The following SLC7A7 variants were observed in gnomAD, a reference collection of about 807,000 sequenced individuals.
SLC7A7 encodes the protein Y+L amino acid transporter 1.
In SLC7A7, 39 loss-of-function variants were observed where a neutral mutation model predicts 47.9. The observed-to-expected ratio is 0.81, with a 90% CI of 0.63 to 1.06. The LOEUF (loss-of-function observed/expected upper bound fraction) is 1.06. Ranked by LOEUF, SLC7A7 falls within the 50% of genes least tolerant of loss-of-function variation. The pLI is 0.00. For missense variants in SLC7A7, 588 were observed against 632.0 expected, an observed-to-expected ratio of 0.93 and a Z score of 0.75; for synonymous variants, 234 against 242.8, an observed-to-expected ratio of 0.96 and a Z score of 0.34.
chr14:22,779,475 G>GA (rs1328194249), intron 3 of SLC7A7, among the ~76,000 whole-genome samples: 3 of 147,868 alleles, frequency 2.0e-5, no homozygotes, highest in African/African-American at 7.6e-5. Context: ...TTGGGGGGGG[G>GA]ACAGAGTCTC....
intron 2 of SLC7A7, among the ~76,000 whole-genome samples, chr14:22,802,187 G>A (rs2039126642): frequency 6.6e-6 from 1 of 152,160 alleles, no homozygotes; most frequent in Admixed American, 6.6e-5. Flanking sequence ...CAGATCACTT[G>A]AGTTCAGGAG....
chr14:22,785,107 C>T (rs1403023494), intron 2 of SLC7A7, among the ~76,000 whole-genome samples: 7 of 152,046 alleles, frequency 4.6e-5, no homozygotes, highest in Middle Eastern at 6.8e-3. Flanking sequence ...GGCGAAACCC[C>T]GTCTCTACTA....
In SLC7A7 at chr14:22,813,027, CA is replaced by C. The variant is rs2138662323; in HGVS notation, c.371del (p.Leu124ArgfsTer46). 1 of 1,614,058 alleles carries C rather than the reference CA, an allele frequency of 6.2e-7. No individual in the cohort carries two copies. The highest frequency in any genetic ancestry group is 8.5e-7 in the Non-Finnish European group (1 of 1,180,012). ...FLAFIRLWTS[L>X]LIIEPTSQAI... ...CCTGGCTGGTGGGCTCAATGATGAG[CA>C]GGGAGGTCCAGAGTCTGATGAAAGC... On this transcript the variant is annotated frameshift_variant, in exon 2 of 10. Transcript: ENST00000674313. LOFTEE classifies it high-confidence loss of function.
intron 2 of SLC7A7, among the ~76,000 whole-genome samples, chr14:22,785,220 G>A (rs556306874): frequency 6.6e-6 from 1 of 152,158 alleles, no homozygotes; most frequent in Non-Finnish European, 1.5e-5. Flanking sequence ...AGAAATTGCA[G>A]TGAGCCAAGA....
At chr14:22,775,767 C>A in intron 6 of SLC7A7, 66 bp downstream of exon 6, 1 of 1,179,786 alleles carries the variant, frequency 8.5e-7, no homozygotes, top group South Asian at 1.2e-5. Context: ...AAGGCTGGGT[C>A]CTGTAAGTTC....
chr14:22,809,867 A>T (rs1339301121), intron 2 of SLC7A7, among the ~76,000 whole-genome samples: 1 of 151,946 alleles, frequency 6.6e-6, no homozygotes, highest in African/African-American at 2.4e-5. Flanking sequence ...GTGAAATCCC[A>T]TCTCTTCTAA....
chr14:22,791,578 G>A lies in SLC7A7; in HGVS notation c.500-11527C>T, dbSNP rs1044155550. On this transcript the variant is annotated intron_variant, in intron 2 of 9. Coordinates refer to ENST00000674313, the MANE Select transcript of SLC7A7 (RefSeq NM_003982.4). Reference sequence around the variant, plus strand: ...ACTGCACATTTCTAGGTTAGGCTGGGTCTGTGTATAGTCAGATGCACACTA... The same window carrying A: ...ACTGCACATTTCTAGGTTAGGCTGGATCTGTGTATAGTCAGATGCACACTA... Among the ~76,000 whole-genome samples the A allele has an allele frequency of 6.6e-5, 10 of 152,116 alleles. 1 individual carries two copies. Among genetic ancestry groups the A allele is most frequent in the Middle Eastern group, 3.2e-3 (1 of 316 alleles).
upstream of SLC7A7, among the ~76,000 whole-genome samples, chr14:22,818,484 T>C (rs1291070972): frequency 6.6e-6 from 1 of 151,792 alleles, no homozygotes. Flanking sequence ...GGTCTTAGGG[T>C]AATGCTTCCA....
chr14:22,794,792 A>G (rs150017610), intron 2 of SLC7A7, among the ~76,000 whole-genome samples: 12 of 152,264 alleles, frequency 7.9e-5, no homozygotes, highest in African/African-American at 2.2e-4. Flanking sequence ...TTAACAGTCC[A>G]GTGCTCAGGC....
intron 2 of SLC7A7, among the ~76,000 whole-genome samples, chr14:22,796,259 G>C (rs1368646030): frequency 6.6e-6 from 1 of 152,064 alleles, no homozygotes; most frequent in Non-Finnish European, 1.5e-5. Context: ...AGTCATTCTG[G>C]TACCAGGAGA....
chr14:22,794,655 T>C (rs2038980520), intron 2 of SLC7A7, among the ~76,000 whole-genome samples: 3 of 152,082 alleles, frequency 2.0e-5, no homozygotes. Context: ...CTTCTCTGGG[T>C]GTGTTTCCTT....
chr14:22,812,874 C>T, intron 2 of SLC7A7, 26 bp downstream of exon 2: 1 of 1,610,532 alleles, frequency 6.2e-7, no homozygotes, highest in Non-Finnish European at 8.5e-7. Flanking sequence ...CCTCCACCCA[C>T]CACCTCCTAC....
chr14:22,819,114 C>T (rs2039444072), upstream of SLC7A7, among the ~76,000 whole-genome samples: 1 of 152,166 alleles, frequency 6.6e-6, no homozygotes, highest in Non-Finnish European at 1.5e-5. Context: ...ACCTCACCCT[C>T]GAATGACAAC....
intron 4 of SLC7A7, among the ~76,000 whole-genome samples, chr14:22,777,848 C>T (rs186069362): frequency 1.1e-3 from 175 of 152,218 alleles, no homozygotes; most frequent in Admixed American, 7.1e-3. Context: ...CTAAGGCGGG[C>T]GGATCACCTG....
chr14:22,817,360 G>A (rs2039421401), upstream of SLC7A7: 1 of 192,978 alleles, frequency 5.2e-6, no homozygotes, highest in African/African-American at 2.4e-5. Context: ...TTTATTTTGA[G>A]ACAGACACTT....
intron 2 of SLC7A7, among the ~76,000 whole-genome samples, chr14:22,799,415 C>T (rs1466705528): frequency 3.0e-5 from 4 of 133,696 alleles, no homozygotes; most frequent in Non-Finnish European, 6.6e-5. Context: ...TCATCTGTTC[C>T]TGTGGTTTCT....
chr14:22,784,142 A>T lies in SLC7A7; in HGVS notation c.500-4091T>A, dbSNP rs1239285949. Among the ~76,000 whole-genome samples the T allele has an allele frequency of 4.6e-5, 7 of 152,216 alleles. No homozygotes were observed. The East Asian group carries it at 1.3e-3, about 29-fold the overall frequency. ...GGACCATGGGGTTAGGATAATATGG[A>T]GGCAACTGCAAGTTAACCTCAAGGG... On this transcript the variant is annotated intron_variant, in intron 2 of 9. Transcript: ENST00000674313.
chr14:22,805,599 C>G (rs1025265900), intron 2 of SLC7A7, among the ~76,000 whole-genome samples: 25 of 152,080 alleles, frequency 1.6e-4, no homozygotes, highest in Admixed American at 2.6e-4. Context: ...AAGAACAACA[C>G]ACACTGGGGC....
At chr14:22,779,319 AC>A (rs2038673038) in intron 3 of SLC7A7, among the ~76,000 whole-genome samples, 1 of 152,196 alleles carries the variant, frequency 6.6e-6, no homozygotes. Flanking sequence ...ATGGCTGTCA[AC>A]CCTTTGCCAA....
Sources: gnomAD v4.1 joint callset for allele counts (sites outside exome capture counted in the v4.1 genomes callset) on GRCh38, gnomAD v4.1.1 for gene constraint, MANE v1.5 for transcripts, NCBI Gene and HGNC (gene_info 2026-07-23, HGNC 2026-07-21) for gene names.